Variants in MDGA2 observed in about 807,000 individuals in gnomAD.
The protein encoded by MDGA2 is MAM domain-containing glycosylphosphatidylinositol anchor protein 2.
MDGA2 carries 40 observed loss-of-function variants against 117.8 expected under a neutral mutation model. The observed-to-expected ratio is 0.34, with a 90% CI of 0.26 to 0.44. MDGA2 has a LOEUF of 0.44. MDGA2 is among the 20% of genes least tolerant of loss of function. The probability of loss-of-function intolerance (pLI) is 1.00; values close to 1 mark genes in which losing one functional copy is unlikely to be tolerated. For missense variants in MDGA2, 1,123 were observed against 1,250.6 expected (o/e 0.90, Z 1.54); for synonymous variants, 452 against 439.0 (o/e 1.03, Z -0.37).
chr14:47,096,621 T>C (rs1167713056), intron 6 of MDGA2, among the ~76,000 whole-genome samples: 1 of 152,034 alleles, frequency 6.6e-6, no homozygotes, highest in Non-Finnish European at 1.5e-5. Context: ...TTTGATGGTA[T>C]CACTAAGAAT....
intron 1 of MDGA2, among the ~76,000 whole-genome samples, chr14:47,396,557 C>G (rs1462331526): frequency 6.6e-6 from 1 of 152,106 alleles, no homozygotes; most frequent in Non-Finnish European, 1.5e-5. Context: ...AGGCAACCTA[C>G]AGAATGGGAG....
chr14:47,518,489 T>C (rs1594896550), intron 1 of MDGA2, among the ~76,000 whole-genome samples: 1 of 152,226 alleles, frequency 6.6e-6, no homozygotes, highest in East Asian at 1.9e-4. Flanking sequence ...AAGCTTTTTA[T>C]TATTGATCTA....
rs554955641 is a variant in MDGA2, at chr14:46,975,533, A to G, written c.1820-17890T>C. Among the ~76,000 whole-genome samples the G allele has an allele frequency of 8.6e-4, 131 of 152,272 alleles. 1 individual carries two copies. Among genetic ancestry groups the G allele is most frequent in the African/African-American group, 2.9e-3 (120 of 41,574 alleles). On this transcript the variant is annotated intron_variant, in intron 8 of 16. Coordinates refer to ENST00000399232, the MANE Select transcript of MDGA2 (RefSeq NM_001113498.3). ...CTTTTAAGGGGAATGAAATTCTGAC[A>G]TATGCTACAACATGGATGAACTTTG... is the stretch of plus-strand genomic sequence containing the variant.
At chr14:47,267,678 T>C (rs1418355902) in intron 2 of MDGA2, among the ~76,000 whole-genome samples, 2 of 152,188 alleles carry the variant, frequency 1.3e-5, no homozygotes, top group African/African-American at 2.4e-5. Context: ...GAAAATCCCA[T>C]AGAAAACACA....
chr14:47,115,247 T>C (rs1193893678), intron 5 of MDGA2, among the ~76,000 whole-genome samples: 1 of 152,018 alleles, frequency 6.6e-6, no homozygotes, highest in Admixed American at 6.6e-5. Context: ...ATTGCTTGAG[T>C]TGGGTCACAA....
intron 1 of MDGA2, among the ~76,000 whole-genome samples, chr14:47,337,262 A>G (rs935554826): frequency 2.0e-5 from 3 of 152,050 alleles, no homozygotes; most frequent in Non-Finnish European, 4.4e-5. Flanking sequence ...TAAAAATTCT[A>G]TATGTTCAAA....
intron 5 of MDGA2, among the ~76,000 whole-genome samples, chr14:47,126,911 A>G (rs1022809922): frequency 1.3e-5 from 2 of 152,086 alleles, no homozygotes; most frequent in African/African-American, 4.8e-5. Flanking sequence ...TCATTTGGGC[A>G]TTGTGCAAAT....
chr14:47,310,611 T>C (rs974740749), intron 1 of MDGA2, among the ~76,000 whole-genome samples: 1 of 152,100 alleles, frequency 6.6e-6, no homozygotes, highest in African/African-American at 2.4e-5. Context: ...TATATATATA[T>C]GTTCCTTTTT....
intron 2 of MDGA2, among the ~76,000 whole-genome samples, chr14:47,292,084 G>A (rs1393259199): frequency 2.0e-5 from 3 of 152,188 alleles, no homozygotes; most frequent in African/African-American, 7.2e-5. Context: ...TCCAGCAGCT[G>A]CGCTGATTTG....
chr14:47,246,083 T>C (rs1887228803), intron 2 of MDGA2, among the ~76,000 whole-genome samples: 1 of 151,870 alleles, frequency 6.6e-6, no homozygotes, highest in African/African-American at 2.4e-5. Context: ...CTTCCTACAC[T>C]ATGCTGCCCT....
intron 1 of MDGA2, among the ~76,000 whole-genome samples, chr14:47,593,041 GAA>G (rs34687703): frequency 1.7e-4 from 25 of 151,240 alleles, no homozygotes; most frequent in Non-Finnish European, 1.3e-4. Context: ...AAATTTACAA[GAA>G]AAAAAAATCC....
Position 47,489,012 on chromosome 14 carries a change from ATCT to A in MDGA2, c.280+185502_280+185504del, listed in dbSNP as rs765585893. On this transcript the variant is annotated intron_variant, in intron 1 of 16. Transcript: ENST00000399232. ...ATTAAACAACATAATTAAAAAATTA[ATCT>A]TCTTGTATACCATTCTGAGGGCTCT... Among the ~76,000 whole-genome samples the A allele has an allele frequency of 7.2e-5, 11 of 152,164 alleles. No individual in the cohort carries two copies. In the East Asian group the frequency reaches 1.9e-3, roughly 27 times the overall value.
In MDGA2 at chr14:46,855,531, C is replaced by T. The variant is rs1267715580; in HGVS notation, c.2753-377G>A. ...CATGAGAGATAGAGATGTTACATGG[C>T]TGGTTTCCAAGATGGAGGAAGGGGC... On this transcript the variant is annotated intron_variant, in intron 14 of 16. Transcript: ENST00000399232. The surrounding 1 kb of genome is among the most constrained non-coding windows in gnomAD (Gnocchi z 4.1). Among the ~76,000 whole-genome samples the T allele has an allele frequency of 6.6e-6, 1 of 152,050 alleles. No homozygotes were observed. The highest frequency in any genetic ancestry group is 1.5e-5 in the Non-Finnish European group (1 of 68,002).
At position 47,489,554 on chromosome 14, in the gene MDGA2, G is replaced by C. The variant is rs148520115; in HGVS notation, c.280+184963C>G. 2.0e-5 allele frequency among the ~76,000 whole-genome samples: 3 copies of C among 152,070 alleles called. No homozygotes were observed. The East Asian group carries it at 5.8e-4, about 29-fold the overall frequency. ...AAATGCATAAACCAGGTAGTCAAAA[G>C]AAAAGAAGCAAATGGCACTGATAAT... On this transcript the variant is annotated intron_variant, in intron 1 of 16. Transcript: ENST00000399232.
intron 1 of MDGA2, among the ~76,000 whole-genome samples, chr14:47,622,386 T>C (rs975415940): frequency 1.3e-5 from 2 of 152,148 alleles, no homozygotes; most frequent in Non-Finnish European, 2.9e-5. Flanking sequence ...AGAGAAATCA[T>C]GAAAAGGAAG....
At chr14:47,343,504 A>G (rs1285383911) in intron 1 of MDGA2, among the ~76,000 whole-genome samples, 1 of 152,048 alleles carries the variant, frequency 6.6e-6, no homozygotes, top group Admixed American at 6.6e-5. Flanking sequence ...TTTTCCCTTA[A>G]TGGTTTTCAC....
Position 47,070,253 on chromosome 14 carries a change from T to G in MDGA2, c.1196-8675A>C, listed in dbSNP as rs565597910. 9.9e-4 allele frequency among the ~76,000 whole-genome samples: 151 copies of G among 152,260 alleles called. 1 individual carries two copies. Among genetic ancestry groups the G allele is most frequent in the Non-Finnish European group, 1.3e-3 (88 of 68,024 alleles). On this transcript the variant is annotated intron_variant, in intron 6 of 16. Coordinates refer to ENST00000399232, the MANE Select transcript of MDGA2 (RefSeq NM_001113498.3). ...TGTTCCGGTAATCATCCTTCTATTC[T>G]GTTACATAGATTTATTTTTTACTAT... is the stretch of plus-strand genomic sequence containing the variant.
At chr14:46,862,477 C>T (rs908048740) in intron 14 of MDGA2, among the ~76,000 whole-genome samples, 1 of 149,512 alleles carries the variant, frequency 6.7e-6, no homozygotes, top group Non-Finnish European at 1.5e-5. Flanking sequence ...ACCTAGTTCT[C>T]TTAAGTTCTT....
intron 9 of MDGA2, among the ~76,000 whole-genome samples, chr14:46,934,084 A>G (rs1415546546): frequency 6.6e-6 from 1 of 151,752 alleles, no homozygotes; most frequent in East Asian, 1.9e-4. Flanking sequence ...TACACTTGGC[A>G]TGCAAGTAGG....
Sources: gnomAD v4.1 joint callset for allele counts (sites outside exome capture counted in the v4.1 genomes callset) on GRCh38, gnomAD v4.1.1 for gene constraint, Gnocchi (gnomAD v3.1) non-coding constraint, MANE v1.5 for transcripts, NCBI Gene and HGNC (gene_info 2026-07-23, HGNC 2026-07-21) for gene names.